SUGCT: variants seen among roughly 807,000 people sequenced by gnomAD.
SUGCT encodes the protein succinyl-CoA:glutarate-CoA transferase.
Under a neutral mutation model 55.0 loss-of-function variants are expected in SUGCT, and 41 were observed. The ratio of observed to expected loss-of-function variants is 0.74; its 90% CI spans 0.58 to 0.97. The LOEUF is 0.97. Ranked by LOEUF, SUGCT falls within the 50% of genes least tolerant of loss-of-function variation. SUGCT has a pLI of 0.00. For synonymous variants in SUGCT, 187 were observed against 200.4 expected (o/e 0.93, Z 0.56); for missense variants, 568 against 547.8 (o/e 1.04, Z -0.37).
At chr7:40,928,894 C>T in the SUGCT span, among the ~76,000 whole-genome samples, 35 of 152,128 alleles carry the variant, frequency 2.3e-4, no homozygotes, top group South Asian at 5.6e-3. Context: ...CCACCCTGCC[C>T]GGCAAAACTC....
At chr7:40,985,836 C>A in the SUGCT span, among the ~76,000 whole-genome samples, 4 of 152,222 alleles carry the variant, frequency 2.6e-5, no homozygotes, top group Admixed American at 6.5e-5. Flanking sequence ...AAAAGCAGCC[C>A]TTCTGGATAG....
intron 1 of SUGCT, among the ~76,000 whole-genome samples, chr7:40,140,546 G>A (rs180935435): frequency 5.3e-4 from 80 of 152,170 alleles, no homozygotes; most frequent in African/African-American, 1.9e-3. Flanking sequence ...GATTACAGGC[G>A]CACGCCACCA....
intron 12 of SUGCT, among the ~76,000 whole-genome samples, chr7:40,515,065 G>A (rs1793159687): frequency 6.6e-6 from 1 of 152,252 alleles, no homozygotes. Context: ...TAGTTACAAT[G>A]TGTGTGTATA....
intron 1 of SUGCT, among the ~76,000 whole-genome samples, chr7:40,168,091 C>G (rs1183723539): frequency 1.3e-5 from 2 of 152,082 alleles, no homozygotes; most frequent in Admixed American, 1.3e-4. Context: ...TTTAGTGAGC[C>G]CTCTTTACTA....
chr7:40,486,292 T>C (rs1158294604), intron 11 of SUGCT, among the ~76,000 whole-genome samples: 1 of 152,198 alleles, frequency 6.6e-6, no homozygotes, highest in Non-Finnish European at 1.5e-5. Flanking sequence ...CTCATGATCA[T>C]TTGTATTTTG....
chr7:40,991,451 A>G, the SUGCT span, among the ~76,000 whole-genome samples: 2 of 152,252 alleles, frequency 1.3e-5, no homozygotes, highest in Non-Finnish European at 2.9e-5. Context: ...CAGAGACACG[A>G]AGTGAGTGCA....
At chr7:40,183,503 C>G (rs759520387) in intron 3 of SUGCT, among the ~76,000 whole-genome samples, 6 of 152,048 alleles carry the variant, frequency 3.9e-5, no homozygotes, top group Non-Finnish European at 8.8e-5. Flanking sequence ...CCATGCCCAG[C>G]TATAATAATA....
the SUGCT span, among the ~76,000 whole-genome samples, chr7:41,009,677 C>T: frequency 2.0e-5 from 3 of 152,172 alleles, no homozygotes; most frequent in South Asian, 6.2e-4. Flanking sequence ...ACCATCCATC[C>T]GTCCTTCCAT....
At chr7:40,137,124 C>G (rs1303182743) in intron 1 of SUGCT, among the ~76,000 whole-genome samples, 1 of 151,922 alleles carries the variant, frequency 6.6e-6, no homozygotes, top group Non-Finnish European at 1.5e-5. Context: ...CCAAAATTAA[C>G]TTTATTATTA....
intron 9 of SUGCT, among the ~76,000 whole-genome samples, chr7:40,376,541 A>G (rs1189861883): frequency 2.6e-5 from 4 of 151,812 alleles, no homozygotes; most frequent in African/African-American, 4.8e-5. Context: ...ACAGGTGTGC[A>G]CCACCATGCC....
chr7:40,756,076 T>G (rs1788238470), intron 13 of SUGCT, among the ~76,000 whole-genome samples: 1 of 152,224 alleles, frequency 6.6e-6, no homozygotes. Flanking sequence ...TAAAGTTGAA[T>G]GTACTCCTCT....
At chr7:40,528,301 C>T (rs1793910146) in intron 12 of SUGCT, among the ~76,000 whole-genome samples, 1 of 152,108 alleles carries the variant, frequency 6.6e-6, no homozygotes, top group African/African-American at 2.4e-5. Flanking sequence ...ACAACAACCT[C>T]CATGTAGATT....
chr7:40,574,134 G>A, intron 12 of SUGCT, among the ~76,000 whole-genome samples: 1 of 152,066 alleles, frequency 6.6e-6, no homozygotes, highest in East Asian at 1.9e-4. Flanking sequence ...GTGAGTCTCT[G>A]TGCAAAGCAA....
chr7:40,655,468 A>G (rs1800972580), intron 12 of SUGCT, among the ~76,000 whole-genome samples: 2 of 152,198 alleles, frequency 1.3e-5, no homozygotes, highest in Admixed American at 1.3e-4. Context: ...TAGCTACACT[A>G]AACTTCATAG....
At chr7:40,598,895 G>A (rs1020180708) in intron 12 of SUGCT, among the ~76,000 whole-genome samples, 4 of 152,128 alleles carry the variant, frequency 2.6e-5, no homozygotes, top group Non-Finnish European at 5.9e-5. Context: ...ATATTAGACC[G>A]TCAAAATACT....
At chr7:40,686,774 G>T (rs1387113640) in intron 12 of SUGCT, among the ~76,000 whole-genome samples, 1 of 152,120 alleles carries the variant, frequency 6.6e-6, no homozygotes, top group Non-Finnish European at 1.5e-5. Flanking sequence ...GTCAAATTTG[G>T]CATGTGAATT....
intron 13 of SUGCT, among the ~76,000 whole-genome samples, chr7:40,765,466 G>GA (rs202039053): frequency 0.49 from 67,364 of 137,202 alleles, 15,943 homozygotes; most frequent in Admixed American, 0.61. Context: ...TGCCATTAAA[G>GA]AAAAAAAAAA....
rs949160687 is a variant in SUGCT at position 40,781,947 on chromosome 7, CA to C, written c.1153+32459del. Among the ~76,000 whole-genome samples, 59 of 149,544 alleles carry C rather than the reference CA, an allele frequency of 3.9e-4. 1 individual carries two copies. The East Asian group carries it at 9.1e-3, about 23-fold the overall frequency. ...GTATGAGACGTAAGCCTCCCCCTAC[CA>C]AAAAAAAAGTCTAGAAGGAAATATA... On this transcript the variant is annotated intron_variant, in intron 13 of 13. Transcript: ENST00000335693.
the SUGCT span, among the ~76,000 whole-genome samples, chr7:41,025,635 G>T: frequency 6.6e-6 from 1 of 152,102 alleles, no homozygotes; most frequent in African/African-American, 2.4e-5. Flanking sequence ...GATTACAGAT[G>T]TGAGCCACCG....
Sources: gnomAD v4.1 joint callset for allele counts (sites outside exome capture counted in the v4.1 genomes callset) on GRCh38, gnomAD v4.1.1 for gene constraint, MANE v1.5 for transcripts, NCBI Gene and HGNC (gene_info 2026-07-23, HGNC 2026-07-21) for gene names.